Variants in KHDRBS2 observed in about 807,000 individuals in gnomAD.
The protein encoded by KHDRBS2 is KH RNA binding domain containing, signal transduction associated 2, also known as KH domain-containing, RNA-binding, signal transduction-associated protein 2.
KHDRBS2 carries 26 observed loss-of-function variants against 44.3 expected under a neutral mutation model. The observed-to-expected ratio is 0.59, with a 90% CI of 0.43 to 0.81. KHDRBS2 has a LOEUF of 0.81. Among genes scored for constraint, KHDRBS2 ranks in the 40% least tolerant of loss-of-function variants. The pLI, the probability that KHDRBS2 is intolerant of heterozygous loss-of-function variation, is 0.00. For synonymous variants in KHDRBS2, 194 were observed against 151.1 expected (o/e 1.28, Z -2.08); for missense variants, 476 against 433.1 (o/e 1.10, Z -0.88).
chr6:61,599,146 G>A, the KHDRBS2 span, among the ~76,000 whole-genome samples: 1 of 151,912 alleles, frequency 6.6e-6, no homozygotes, highest in South Asian at 2.1e-4. Context: ...ATGTTGCCCA[G>A]GCTGGTCTCG....
chr6:61,987,091 C>T (rs937472183), intron 3 of KHDRBS2, among the ~76,000 whole-genome samples: 1 of 152,126 alleles, frequency 6.6e-6, no homozygotes, highest in African/African-American at 2.4e-5. Context: ...TCATGATGGC[C>T]AGAATTAAAA....
intron 1 of KHDRBS2, among the ~76,000 whole-genome samples, chr6:62,251,241 T>C (rs1475218571): frequency 6.6e-6 from 1 of 151,826 alleles, no homozygotes; most frequent in Non-Finnish European, 1.5e-5. Context: ...GCTCTTCCAC[T>C]CTCAGCAAAT....
At chr6:62,112,946 C>T (rs77503400) in intron 2 of KHDRBS2, among the ~76,000 whole-genome samples, 2,352 of 152,178 alleles carry the variant, frequency 0.015, 37 homozygotes, top group South Asian at 0.087. Context: ...TTCATCAATC[C>T]GTTCACCTAT....
intron 6 of KHDRBS2, among the ~76,000 whole-genome samples, chr6:61,789,627 A>C (rs1210130475): frequency 6.6e-6 from 1 of 151,482 alleles, no homozygotes; most frequent in African/African-American, 2.4e-5. Flanking sequence ...GACACACAAA[A>C]AACAGGCTTT....
intron 2 of KHDRBS2, among the ~76,000 whole-genome samples, chr6:62,093,668 T>C (rs1459562006): frequency 6.6e-6 from 1 of 151,924 alleles, no homozygotes; most frequent in Non-Finnish European, 1.5e-5. Flanking sequence ...CAAATCCTAA[T>C]GATAACCACT....
intron 2 of KHDRBS2, among the ~76,000 whole-genome samples, chr6:62,149,234 A>G (rs763603832): frequency 6.6e-6 from 1 of 152,086 alleles, no homozygotes; most frequent in Non-Finnish European, 1.5e-5. Flanking sequence ...AATTGCACTC[A>G]AAGTTGCTTA....
chr6:61,922,374 T>G (rs1037556922), intron 4 of KHDRBS2, among the ~76,000 whole-genome samples: 9 of 151,958 alleles, frequency 5.9e-5, no homozygotes, highest in African/African-American at 2.2e-4. Flanking sequence ...TCCAGCAAAC[T>G]CCCTGAGTGG....
intron 1 of KHDRBS2, among the ~76,000 whole-genome samples, chr6:62,285,448 A>C (rs1483790417): frequency 6.6e-6 from 1 of 152,194 alleles, no homozygotes. Context: ...AATGCAGCAA[A>C]AAATAAAAAT....
At chr6:61,983,236 C>CTTTTT (rs1173961055) in intron 3 of KHDRBS2, among the ~76,000 whole-genome samples, 1 of 118,506 alleles carries the variant, frequency 8.4e-6, no homozygotes, top group African/African-American at 3.1e-5. Flanking sequence ...TTCTTTCTTT[C>CTTTTT]TTTTTTTTTT....
chr6:62,141,269 C>T (rs554525285), intron 2 of KHDRBS2, among the ~76,000 whole-genome samples: 3 of 152,116 alleles, frequency 2.0e-5, no homozygotes, highest in South Asian at 2.1e-4. Context: ...ATGCTTTCTT[C>T]GTACAATGGG....
the KHDRBS2 span, among the ~76,000 whole-genome samples, chr6:61,583,380 G>C: frequency 1.3e-5 from 2 of 151,694 alleles, no homozygotes. Context: ...ATTCTTTGAT[G>C]GACCTCTAGG....
chr6:61,843,197 G>A (rs981786663), intron 6 of KHDRBS2, among the ~76,000 whole-genome samples: 1 of 151,936 alleles, frequency 6.6e-6, no homozygotes, highest in Non-Finnish European at 1.5e-5. Flanking sequence ...GGACGTGACT[G>A]CTAATGGGTA....
rs192887051 is a variant in KHDRBS2, at chr6:62,126,983, C to T, written c.219+50202G>A. ...TTTTCCGTGTATCAAATCAGGCTTC[C>T]TATGGCTGAATAAGTTATTAAATAA... is the stretch of plus-strand genomic sequence containing the variant. On this transcript the variant is annotated intron_variant, in intron 2 of 8. Transcript: ENST00000281156. Among the ~76,000 whole-genome samples, 274 of 152,228 alleles carry T rather than the reference C, an allele frequency of 1.8e-3. 9 individuals carry two copies. The South Asian group carries it at 0.051, about 29-fold the overall frequency.
intron 1 of KHDRBS2, among the ~76,000 whole-genome samples, chr6:62,187,243 A>G (rs1182969768): frequency 6.6e-6 from 1 of 152,180 alleles, no homozygotes; most frequent in Non-Finnish European, 1.5e-5. Context: ...GAAAACCTGA[A>G]TATTAATTTT....
chr6:61,602,628 T>A, the KHDRBS2 span, among the ~76,000 whole-genome samples: 1 of 152,114 alleles, frequency 6.6e-6, no homozygotes, highest in East Asian at 1.9e-4. Flanking sequence ...GACGCCAAGC[T>A]TCAGGTAACT....
chr6:62,211,399 T>G (rs1205378826), intron 1 of KHDRBS2, among the ~76,000 whole-genome samples: 2 of 152,208 alleles, frequency 1.3e-5, no homozygotes, highest in Non-Finnish European at 2.9e-5. Context: ...TGTGACATCA[T>G]GTGGAACCAC....
chr6:61,999,818 T>C (rs143619377), intron 3 of KHDRBS2, among the ~76,000 whole-genome samples: 1 of 152,242 alleles, frequency 6.6e-6, no homozygotes, highest in African/African-American at 2.4e-5. Flanking sequence ...TGAGTTTTTA[T>C]TTGATAAAAA....
intron 2 of KHDRBS2, 63 bp from the exon 3 acceptor site, chr6:62,048,057 G>T (rs764871653): frequency 1.0e-6 from 1 of 955,234 alleles, no homozygotes; most frequent in Non-Finnish European, 1.7e-6. Context: ...TTTGCACCAA[G>T]AGTAATTGAT....
chr6:62,135,261 T>G (rs1034689596), intron 2 of KHDRBS2, among the ~76,000 whole-genome samples: 2 of 152,166 alleles, frequency 1.3e-5, no homozygotes, highest in Non-Finnish European at 2.9e-5. Context: ...GGAATCCCCT[T>G]TTGCTTGGCT....
Sources: gnomAD v4.1 joint callset for allele counts (sites outside exome capture counted in the v4.1 genomes callset) on GRCh38, gnomAD v4.1.1 for gene constraint, MANE v1.5 for transcripts, NCBI Gene and HGNC (gene_info 2026-07-23, HGNC 2026-07-21) for gene names.